The following H2AC6 variants were observed in gnomAD, a reference collection of about 807,000 sequenced individuals.
H2AC6 encodes the protein histone H2A type 1-C.
Under a neutral mutation model 6.8 loss-of-function variants are expected in H2AC6, and 5 were observed. The observed-to-expected ratio is 0.73, with a 90% CI of 0.38 to 1.54. H2AC6 has a LOEUF of 1.54. Ranked by LOEUF, H2AC6 falls within the 40% of genes most tolerant of loss-of-function variation. The pLI is 0.03. For synonymous variants in H2AC6, 146 were observed against 79.2 expected, an observed-to-expected ratio of 1.84 and a Z score of -4.48; for missense variants, 154 against 180.7, an observed-to-expected ratio of 0.85 and a Z score of 0.85.
Position 26,124,172 on chromosome 6 carries a change from G to T in H2AC6, c.-61G>T. ...AGCGGCCATGTTTTACATATTTCTTGATTTTGTTTGTTTTCTCGTGAGCTT... is the reference window on the plus strand; with the variant it reads ...AGCGGCCATGTTTTACATATTTCTTTATTTTGTTTGTTTTCTCGTGAGCTT... On this transcript the variant is annotated 5_prime_UTR_variant, in exon 1 of 1. Coordinates refer to ENST00000377791, the MANE Select transcript of H2AC6 (RefSeq NM_003512.4). The T allele has an allele frequency of 2.6e-6, 4 of 1,524,122 alleles. No individual in the cohort carries two copies. Among genetic ancestry groups the T allele is most frequent in the South Asian group, 1.3e-5 (1 of 75,984 alleles). The allele number at this position is 1,524,122 out of a possible 1,614,324, so 94.4% of individuals were successfully genotyped here. A position where few individuals can be genotyped will look rare whatever the true frequency, so the allele number is the denominator to read the frequency against.
chr6:26,124,249 A>G lies in H2AC6; in HGVS notation c.17A>G (p.Lys6Arg). Residue 6 changes from lysine to arginine, a missense_variant, in exon 1 of 1, where the codon AAG becomes AGG. Lys to Arg is a conservative substitution (Grantham distance 26, BLOSUM62 2). Transcript: ENST00000377791. MSGRG[K>R]QGGKARAKAK... ...CTGATTGCAATGTCTGGACGTGGTA[A>G]GCAAGGAGGCAAAGCTCGCGCCAAA... The G allele has an allele frequency of 6.3e-7, 1 of 1,598,554 alleles. No individual in the cohort carries two copies. The highest frequency in any genetic ancestry group is 8.5e-7 in the Non-Finnish European group (1 of 1,171,752).
chr6:26,124,274 AG>A lies in H2AC6; in HGVS notation c.43del (p.Ala15ArgfsTer42). 1 of 1,608,692 alleles carries A rather than the reference AG, an allele frequency of 6.2e-7. No individual in the cohort carries two copies. The highest frequency in any genetic ancestry group is 8.5e-7 in the Non-Finnish European group (1 of 1,177,140). On this transcript the variant is annotated frameshift_variant, in exon 1 of 1. Transcript: ENST00000377791. LOFTEE classifies it high-confidence loss of function. ...AGCAAGGAGGCAAAGCTCGCGCCAA[AG>A]CGAAATCCCGCTCTTCTCGCGCTGG... ...GKQGGKARAK[A>X]KSRSSRAGLQ...
rs144227315 is a variant in H2AC6, at chr6:26,124,424, G to A, written c.192G>A (p.Leu64=). 31 of 1,614,114 alleles carry A rather than the reference G, an allele frequency of 1.9e-5. No individual in the cohort carries two copies. The highest frequency in any genetic ancestry group is 2.5e-5 in the Non-Finnish European group (30 of 1,180,056). The change falls in exon 1 of 1, where the codon CTG becomes CTA. Residue 64 remains leucine, a synonymous_variant. Transcript: ENST00000377791. ...TAGAGTACCTGACCGCCGAGATCCT[G>A]GAGCTGGCCGGCAACGCGGCTCGCG... is the stretch of plus-strand genomic sequence containing the variant. The part of the protein sequence containing the change: ...AVLEYLTAEI[L]ELAGNAARDN...
Position 26,124,655 on chromosome 6 carries a change from C to G in H2AC6, c.*30C>G. 6.3e-7 allele frequency: 1 copy of G among 1,599,218 alleles called. No individual in the cohort carries two copies. Among genetic ancestry groups the G allele is most frequent in the Admixed American group, 1.7e-5 (1 of 58,598 alleles). On this transcript the variant is annotated 3_prime_UTR_variant, in exon 1 of 1. Coordinates refer to ENST00000377791, the MANE Select transcript of H2AC6 (RefSeq NM_003512.4). ...ACAGGTATCTGAGCTCCCGGAAACGCTATCAAACCCAAAGGCTCTTTTCAG... is the reference window on the plus strand; with the variant it reads ...ACAGGTATCTGAGCTCCCGGAAACGGTATCAAACCCAAAGGCTCTTTTCAG...
rs775935294 is a variant in H2AC6 at position 26,124,199 on chromosome 6, G to C, written c.-34G>C. 3 of 1,549,380 alleles carry C rather than the reference G, an allele frequency of 1.9e-6. No homozygotes were observed. Among genetic ancestry groups the C allele is most frequent in the East Asian group, 4.5e-5 (2 of 44,426 alleles). ...TTTTGTTTGTTTTCTCGTGAGCTTAGGCCGCTGGTTTTGGTGATTTTTGTC... is the reference window on the plus strand; with the variant it reads ...TTTTGTTTGTTTTCTCGTGAGCTTACGCCGCTGGTTTTGGTGATTTTTGTC... On this transcript the variant is annotated 5_prime_UTR_variant, in exon 1 of 1. Transcript: ENST00000377791.
chr6:26,124,470 A>G lies in H2AC6; in HGVS notation c.238A>G (p.Ile80Val). 1 of 1,614,030 alleles carries G rather than the reference A, an allele frequency of 6.2e-7. No homozygotes were observed. Among genetic ancestry groups the G allele is most frequent in the Non-Finnish European group, 8.5e-7 (1 of 1,180,012 alleles). ...TCGCGACAACAAGAAGACTCGCATC[A>G]TCCCGCGCCACTTGCAGCTGGCCAT... ...AARDNKKTRI[I>V]PRHLQLAIRN... is the part of the protein sequence containing the mutation. The change falls in exon 1 of 1, where the codon ATC becomes GTC. Residue 80 changes from isoleucine (I) to valine (V), a missense_variant. By Grantham distance (29) the Ile-to-Val change is conservative (BLOSUM62 3). Coordinates refer to ENST00000377791, the MANE Select transcript of H2AC6 (RefSeq NM_003512.4).
Position 26,124,246 on chromosome 6 carries a change from G to A in H2AC6, c.14G>A (p.Gly5Asp). 6.3e-7 allele frequency: 1 copy of A among 1,597,476 alleles called. No individual in the cohort carries two copies. The highest frequency in any genetic ancestry group is 8.5e-7 in the Non-Finnish European group (1 of 1,171,220). Residue 5 changes from glycine (G) to aspartate (D), a missense_variant, in exon 1 of 1, where the codon GGT becomes GAT. Physicochemically the swap from Gly to Asp is moderately conservative, Grantham distance 94. This residue lies in a region of H2AC6 where 111 missense variants were observed against 91.9 expected (regional missense o/e 1.21). Coordinates refer to ENST00000377791, the MANE Select transcript of H2AC6 (RefSeq NM_003512.4). MSGRGKQGGKARAKA... is the reference protein window; with the variant it reads MSGRDKQGGKARAKA... The stretch of plus-strand genomic sequence containing the variant: ...TGTCTGATTGCAATGTCTGGACGTG[G>A]TAAGCAAGGAGGCAAAGCTCGCGCC...
At position 26,124,564 on chromosome 6, in the gene H2AC6, A is replaced by G. The variant is rs1320219622; in HGVS notation, c.332A>G (p.Asn111Ser). ...ATTGCTCAGGGCGGCGTCCTTCCTA[A>G]CATCCAGGCCGTGCTTCTGCCTAAG... ...VTIAQGGVLP[N>S]IQAVLLPKKT... Residue 111 changes from asparagine (N) to serine (S), a missense_variant, in exon 1 of 1, where the codon AAC becomes AGC. Coordinates refer to ENST00000377791, the MANE Select transcript of H2AC6 (RefSeq NM_003512.4). 1 of 1,614,164 alleles carries G rather than the reference A, an allele frequency of 6.2e-7. No individual in the cohort carries two copies. Among genetic ancestry groups the G allele is most frequent in the East Asian group, 2.2e-5 (1 of 44,888 alleles).
Position 26,124,660 on chromosome 6 carries a change from A to C in H2AC6, c.*35A>C, listed in dbSNP as rs762367319. On this transcript the variant is annotated 3_prime_UTR_variant, in exon 1 of 1. Coordinates refer to ENST00000377791, the MANE Select transcript of H2AC6 (RefSeq NM_003512.4). Reference sequence around the variant, plus strand: ...TATCTGAGCTCCCGGAAACGCTATCAAACCCAAAGGCTCTTTTCAGAGCCC... The same window carrying C: ...TATCTGAGCTCCCGGAAACGCTATCCAACCCAAAGGCTCTTTTCAGAGCCC... The C allele has an allele frequency of 3.1e-6, 5 of 1,597,506 alleles. No homozygotes were observed. The East Asian group carries it at 8.9e-5, about 29-fold the overall frequency.
In H2AC6 at chr6:26,124,513, T is replaced by C; in HGVS notation, c.281T>C (p.Leu94Pro). The C allele has an allele frequency of 6.2e-7, 1 of 1,614,044 alleles. No individual in the cohort carries two copies. Among genetic ancestry groups the C allele is most frequent in the Non-Finnish European group, 8.5e-7 (1 of 1,180,024 alleles). The change falls in exon 1 of 1, where the codon CTC becomes CCC. Residue 94 changes from leucine (L) to proline (P), a missense_variant. Coordinates refer to ENST00000377791, the MANE Select transcript of H2AC6 (RefSeq NM_003512.4). The part of the protein sequence containing the change: ...LQLAIRNDEE[L>P]NKLLGRVTIA... ...CTGGCCATCCGCAACGACGAGGAGC[T>C]CAACAAACTGCTAGGCCGGGTGACC...
chr6:26,124,538 C>A lies in H2AC6; in HGVS notation c.306C>A (p.Thr102=), dbSNP rs1457418370. The change falls in exon 1 of 1, where the codon ACC becomes ACA. Residue 102 remains threonine, a synonymous_variant. Transcript: ENST00000377791. ...EELNKLLGRV[T]IAQGGVLPNI... ...TCAACAAACTGCTAGGCCGGGTGAC[C>A]ATTGCTCAGGGCGGCGTCCTTCCTA... is the stretch of plus-strand genomic sequence containing the variant. 2 of 1,614,212 alleles carry A rather than the reference C, an allele frequency of 1.2e-6. No individual in the cohort carries two copies. The highest frequency in any genetic ancestry group is 2.2e-5 in the South Asian group (2 of 91,084).
rs765506869 is a variant in H2AC6, at chr6:26,124,605, C to T, written c.373C>T (p.His125Tyr). The T allele has an allele frequency of 1.1e-5, 17 of 1,613,858 alleles. No homozygotes were observed. Among genetic ancestry groups the T allele is most frequent in the African/African-American group, 4.0e-5 (3 of 74,916 alleles). The change falls in exon 1 of 1, where the codon CAC becomes TAC. Residue 125 changes from histidine to tyrosine, a missense_variant. Transcript: ENST00000377791. ...TCTGCCTAAGAAGACCGAGAGTCAC[C>T]ACAAGGCCAAGGGCAAGTGATTTGA... is the stretch of plus-strand genomic sequence containing the variant. Reference protein sequence around the residue: ...VLLPKKTESHHKAKGK With the variant: ...VLLPKKTESHYKAKGK
rs1189608918 is a variant in H2AC6, at chr6:26,124,439, C to T, written c.207C>T (p.Asn69=). 3.1e-6 allele frequency: 5 copies of T among 1,613,914 alleles called. No homozygotes were observed. The South Asian group carries it at 4.4e-5, about 14-fold the overall frequency. The part of the protein sequence containing the change: ...LTAEILELAG[N]AARDNKKTRI... ...CCGAGATCCTGGAGCTGGCCGGCAA[C>T]GCGGCTCGCGACAACAAGAAGACTC... The change falls in exon 1 of 1, where the codon AAC becomes AAT. Residue 69 remains asparagine, a synonymous_variant. Transcript: ENST00000377791.
rs147413365 is a variant in H2AC6 at position 26,124,332 on chromosome 6, C to T, written c.100C>T (p.Leu34=). The stretch of plus-strand genomic sequence containing the variant: ...GTTCCCGGTGGGCCGAGTGCACCGC[C>T]TGCTCCGTAAAGGCAACTACGCAGA... The part of the protein sequence containing the change: ...LQFPVGRVHR[L]LRKGNYAERV... The change falls in exon 1 of 1, where the codon CTG becomes TTG. Residue 34 remains leucine (L), a synonymous_variant. Transcript: ENST00000377791. 6.2e-7 allele frequency: 1 copy of T among 1,614,038 alleles called. No individual in the cohort carries two copies. Among genetic ancestry groups the T allele is most frequent in the Non-Finnish European group, 8.5e-7 (1 of 1,179,964 alleles).
chr6:26,124,478 C>T lies in H2AC6; in HGVS notation c.246C>T (p.Arg82=), dbSNP rs1435431044. 1.9e-6 allele frequency: 3 copies of T among 1,614,186 alleles called. No individual in the cohort carries two copies. In the African/African-American group the frequency reaches 4.0e-5, roughly 22 times the overall value. The change falls in exon 1 of 1, where the codon CGC becomes CGT. Residue 82 remains arginine (R), a synonymous_variant. Transcript: ENST00000377791. Reference sequence around the variant, plus strand: ...ACAAGAAGACTCGCATCATCCCGCGCCACTTGCAGCTGGCCATCCGCAACG... The same window carrying T: ...ACAAGAAGACTCGCATCATCCCGCGTCACTTGCAGCTGGCCATCCGCAACG... The part of the protein sequence containing the change: ...RDNKKTRIIP[R]HLQLAIRNDE...
Position 26,124,342 on chromosome 6 carries a change from A to G in H2AC6, c.110A>G (p.Lys37Arg). Reference sequence around the variant, plus strand: ...GGCCGAGTGCACCGCCTGCTCCGTAAAGGCAACTACGCAGAGCGGGTTGGG... The same window carrying G: ...GGCCGAGTGCACCGCCTGCTCCGTAGAGGCAACTACGCAGAGCGGGTTGGG... ...PVGRVHRLLRKGNYAERVGAG... is the reference protein window; with the variant it reads ...PVGRVHRLLRRGNYAERVGAG... The change falls in exon 1 of 1, where the codon AAA (lysine) becomes AGA (arginine). Residue 37 changes from lysine (K) to arginine (R), a missense_variant. This residue lies in a region of H2AC6 where 111 missense variants were observed against 91.9 expected (regional missense o/e 1.21). Coordinates refer to ENST00000377791, the MANE Select transcript of H2AC6 (RefSeq NM_003512.4). 6.2e-7 allele frequency: 1 copy of G among 1,614,018 alleles called. No homozygotes were observed. The highest frequency in any genetic ancestry group is 8.5e-7 in the Non-Finnish European group (1 of 1,179,978).
At position 26,124,635 on chromosome 6, in the gene H2AC6, T is replaced by C. The variant is rs747008531; in HGVS notation, c.*10T>C. 1 of 1,608,208 alleles carries C rather than the reference T, an allele frequency of 6.2e-7. No homozygotes were observed. Among genetic ancestry groups the C allele is most frequent in the Non-Finnish European group, 8.5e-7 (1 of 1,175,938 alleles). ...GGCCAAGGGCAAGTGATTTGACAGG[T>C]ATCTGAGCTCCCGGAAACGCTATCA... On this transcript the variant is annotated 3_prime_UTR_variant, in exon 1 of 1. Coordinates refer to ENST00000377791, the MANE Select transcript of H2AC6 (RefSeq NM_003512.4).
rs1763577208 is a variant in H2AC6 at position 26,124,189 on chromosome 6, CGTGA to C, written c.-42_-39del. 2.0e-6 allele frequency: 3 copies of C among 1,531,134 alleles called. No individual in the cohort carries two copies. The Admixed American group carries it at 6.7e-5, about 34-fold the overall frequency. 94.8% of individuals were successfully genotyped at this position (1,531,134 alleles called of 1,614,324 possible). A position where few individuals can be genotyped will look rare whatever the true frequency, so the allele number is the denominator to read the frequency against. On this transcript the variant is annotated 5_prime_UTR_variant, in exon 1 of 1. Transcript: ENST00000377791. ...TATTTCTTGATTTTGTTTGTTTTCTCGTGAGCTTAGGCCGCTGGTTTTGGTGATT... is the reference window on the plus strand; with the variant it reads ...TATTTCTTGATTTTGTTTGTTTTCTCGCTTAGGCCGCTGGTTTTGGTGATT...
Position 26,124,537 on chromosome 6 carries a change from C to T in H2AC6, c.305C>T (p.Thr102Ile). Residue 102 changes from threonine to isoleucine, a missense_variant, in exon 1 of 1, where the codon ACC becomes ATC. Thr to Ile is a moderately conservative substitution (Grantham distance 89). This residue lies in a region of H2AC6 where 43 missense variants were observed against 88.7 expected (regional missense o/e 0.48). Transcript: ENST00000377791. The part of the protein sequence containing the change: ...EELNKLLGRV[T>I]IAQGGVLPNI... Reference sequence around the variant, plus strand: ...CTCAACAAACTGCTAGGCCGGGTGACCATTGCTCAGGGCGGCGTCCTTCCT... The same window carrying T: ...CTCAACAAACTGCTAGGCCGGGTGATCATTGCTCAGGGCGGCGTCCTTCCT... The T allele has an allele frequency of 6.2e-7, 1 of 1,614,208 alleles. No individual in the cohort carries two copies. The highest frequency in any genetic ancestry group is 8.5e-7 in the Non-Finnish European group (1 of 1,180,036).
Sources: gnomAD v4.1 joint callset for allele counts on GRCh38, gnomAD v4.1.1 for gene constraint, gnomAD v4.1.1 regional missense constraint, MANE v1.5 for transcripts, NCBI Gene and HGNC (gene_info 2026-07-23, HGNC 2026-07-21) for gene names.